CSMD1: variants seen among roughly 807,000 people sequenced by gnomAD.
CSMD1 encodes the protein CUB and Sushi multiple domains 1.
A neutral mutation model predicts 417.5 loss-of-function variants in CSMD1; 213 were observed. The observed-to-expected ratio is 0.51, with a 90% CI of 0.46 to 0.57. The LOEUF (loss-of-function observed/expected upper bound fraction) is 0.57. Among genes scored for constraint, CSMD1 ranks in the 20% least tolerant of loss-of-function variants. The pLI, the probability that CSMD1 is intolerant of heterozygous loss-of-function variation, is 0.00. For synonymous variants in CSMD1, 2,862 were observed against 1,736.8 expected, an observed-to-expected ratio of 1.65 and a Z score of -16.11; for missense variants, 6,923 against 4,529.7, an observed-to-expected ratio of 1.53 and a Z score of -15.17.
chr8:3,344,691 T>C (rs1014686842), intron 22 of CSMD1, among the ~76,000 whole-genome samples: 2 of 152,236 alleles, frequency 1.3e-5, no homozygotes, highest in African/African-American at 4.8e-5. Flanking sequence ...TGTTTGTCTA[T>C]TTTCCCCACT....
chr8:4,912,122 C>CAAAAAAAAAAAAAAAAAAAAAAAA (rs36194482), intron 1 of CSMD1, among the ~76,000 whole-genome samples: 15 of 84,586 alleles, frequency 1.8e-4, no homozygotes, highest in African/African-American at 2.8e-4. Flanking sequence ...AACATAGCTT[C>CAAAAAAAAAAAAAAAAAAAAAAAA]AAAAAAAAAA....
At chr8:4,071,718 T>C (rs560577137) in intron 3 of CSMD1, among the ~76,000 whole-genome samples, 31 of 152,336 alleles carry the variant, frequency 2.0e-4, no homozygotes, top group African/African-American at 6.5e-4. Flanking sequence ...GACTCTGTTA[T>C]GCTCCTCCAA....
intron 5 of CSMD1, among the ~76,000 whole-genome samples, chr8:3,968,371 C>A (rs1026450628): frequency 6.6e-6 from 1 of 152,126 alleles, no homozygotes; most frequent in African/African-American, 2.4e-5. Context: ...AACCTGGGCA[C>A]CAGCTCAGTG....
chr8:4,172,605 C>G (rs975266727), intron 3 of CSMD1, among the ~76,000 whole-genome samples: 4 of 152,142 alleles, frequency 2.6e-5, no homozygotes, highest in Admixed American at 6.6e-5. Context: ...TCTAACTAAG[C>G]TCATGGAACC....
chr8:3,443,987 T>A (rs759489289), intron 12 of CSMD1, among the ~76,000 whole-genome samples: 1 of 152,078 alleles, frequency 6.6e-6, no homozygotes, highest in Admixed American at 6.6e-5. Context: ...ACTACAGATA[T>A]ACAATGGAAG....
At chr8:3,414,684 G>A (rs2654484) in intron 12 of CSMD1, among the ~76,000 whole-genome samples, 41,884 of 152,002 alleles carry the variant, frequency 0.28, 6,113 homozygotes, top group Non-Finnish European at 0.34. Flanking sequence ...TGTGAACATC[G>A]CTGTTTTCTC....
At chr8:3,288,505 A>C (rs887428687) in intron 25 of CSMD1, among the ~76,000 whole-genome samples, 1 of 147,184 alleles carries the variant, frequency 6.8e-6, no homozygotes, top group Admixed American at 6.7e-5. Context: ...CAGAGATTCA[A>C]CTTCTTCCTG....
At chr8:4,530,181 A>G (rs528159305) in intron 2 of CSMD1, among the ~76,000 whole-genome samples, 59 of 151,944 alleles carry the variant, frequency 3.9e-4, no homozygotes, top group Non-Finnish European at 5.9e-4. Flanking sequence ...CCAAAGTGCT[A>G]GGATTACAGG....
intron 25 of CSMD1, among the ~76,000 whole-genome samples, chr8:3,298,602 T>C (rs1804147002): frequency 6.6e-6 from 1 of 152,120 alleles, no homozygotes; most frequent in African/African-American, 2.4e-5. Flanking sequence ...TATAGGCGTG[T>C]GCCAACACAA....
rs1472319859 is a variant in CSMD1 at position 3,772,471 on chromosome 8, A to T, written c.819-18429T>A. ...TACACATATATATACATATATACAC[A>T]TATATATACATATATACACATATAT... On this transcript the variant is annotated intron_variant, in intron 5 of 69. Transcript: ENST00000635120. Among the ~76,000 whole-genome samples, 13 of 40,690 alleles carry T rather than the reference A, an allele frequency of 3.2e-4. 2 individuals are homozygous for T. Among genetic ancestry groups the T allele is most frequent in the Admixed American group, 4.5e-4 (2 of 4,448 alleles). The allele number at this position is 40,690 out of a possible 152,430, so 26.7% of individuals were successfully genotyped here.
At chr8:3,026,442 G>C (rs1809933182) in intron 51 of CSMD1, among the ~76,000 whole-genome samples, 1 of 151,226 alleles carries the variant, frequency 6.6e-6, no homozygotes. Flanking sequence ...GGGCCTCACT[G>C]GGCCTGACTG....
At chr8:4,517,592 TG>T (rs1333617177) in intron 2 of CSMD1, among the ~76,000 whole-genome samples, 2 of 152,188 alleles carry the variant, frequency 1.3e-5, no homozygotes, top group African/African-American at 4.8e-5. Flanking sequence ...ATACCAAATA[TG>T]TATAATGTAT....
chr8:3,276,378 G>A (rs1290898293), intron 26 of CSMD1, among the ~76,000 whole-genome samples: 1 of 152,196 alleles, frequency 6.6e-6, no homozygotes, highest in Non-Finnish European at 1.5e-5. Context: ...CACGCTGGGA[G>A]CTGTAGACCG....
At chr8:4,880,317 C>T (rs528683504) in intron 1 of CSMD1, among the ~76,000 whole-genome samples, 4 of 152,192 alleles carry the variant, frequency 2.6e-5, no homozygotes, top group Admixed American at 6.5e-5. Flanking sequence ...GATTCCACTG[C>T]AAACTCATAG....
chr8:3,698,409 G>C (rs923063441), intron 7 of CSMD1, among the ~76,000 whole-genome samples: 3 of 152,068 alleles, frequency 2.0e-5, no homozygotes, highest in Non-Finnish European at 2.9e-5. Context: ...TCTCCTTCTT[G>C]TTTTATTAAG....
At chr8:3,218,292 T>C (rs570279716) in intron 29 of CSMD1, among the ~76,000 whole-genome samples, 2 of 152,288 alleles carry the variant, frequency 1.3e-5, no homozygotes, top group South Asian at 4.1e-4. Flanking sequence ...CCGGGCGCGG[T>C]GGCTCACGCC....
In CSMD1 at chr8:4,056,745, C is replaced by A. The variant is rs2554524; in HGVS notation, c.416-24646G>T. 3.3e-5 allele frequency among the ~76,000 whole-genome samples: 5 copies of A among 151,556 alleles called. No homozygotes were observed. In the South Asian group the frequency reaches 8.4e-4, roughly 25 times the overall value. On this transcript the variant is annotated intron_variant, in intron 3 of 69. Transcript: ENST00000635120. ...GTACCCCTTCCTGTGTCCATGCGTT[C>A]TCATTGTTCAATTCCCACCTATGAG...
chr8:4,353,972 T>A (rs899225499), intron 3 of CSMD1, among the ~76,000 whole-genome samples: 1 of 152,292 alleles, frequency 6.6e-6, no homozygotes, highest in East Asian at 1.9e-4. Context: ...GATGATATAT[T>A]GTTTCACTTT....
At chr8:4,782,093 G>C (rs146195082) in intron 1 of CSMD1, among the ~76,000 whole-genome samples, 1 of 152,290 alleles carries the variant, frequency 6.6e-6, no homozygotes, top group East Asian at 1.9e-4. Context: ...GCTAGGCTAT[G>C]CCTTTTAAAA....
Sources: gnomAD v4.1 joint callset for allele counts (sites outside exome capture counted in the v4.1 genomes callset) on GRCh38, gnomAD v4.1.1 for gene constraint, MANE v1.5 for transcripts, NCBI Gene and HGNC (gene_info 2026-07-23, HGNC 2026-07-21) for gene names.